ADCY8: variants seen among roughly 807,000 people sequenced by gnomAD.
ADCY8 encodes the protein adenylate cyclase 8, also known as adenylate cyclase type 8.
Under a neutral mutation model 119.7 loss-of-function variants are expected in ADCY8, and 51 were observed. That is an observed-to-expected ratio of 0.43 (90% CI 0.34 to 0.54). ADCY8 has a LOEUF of 0.54. ADCY8 is among the 20% of genes least tolerant of loss of function. The pLI, the probability that ADCY8 is intolerant of heterozygous loss-of-function variation, is 0.03. For missense variants in ADCY8, 1,383 were observed against 1,598.8 expected (o/e 0.87, Z 2.30); for synonymous variants, 665 against 651.0 (o/e 1.02, Z -0.33).
At chr8:130,828,800 A>G (rs915283629) in intron 12 of ADCY8, among the ~76,000 whole-genome samples, 5 of 152,140 alleles carry the variant, frequency 3.3e-5, no homozygotes, top group Non-Finnish European at 5.9e-5. Flanking sequence ...CTCCAGTTAG[A>G]ATGGTACTTA....
chr8:130,983,647 A>C (rs1822306256), intron 2 of ADCY8, among the ~76,000 whole-genome samples: 1 of 152,084 alleles, frequency 6.6e-6, no homozygotes, highest in African/African-American at 2.4e-5. Context: ...TGCAGGGTAA[A>C]TGAAATTGGG....
intron 13 of ADCY8, among the ~76,000 whole-genome samples, chr8:130,815,448 TG>T (rs1447256143): frequency 6.6e-6 from 1 of 152,234 alleles, no homozygotes; most frequent in Non-Finnish European, 1.5e-5. Flanking sequence ...ATACCAGGAA[TG>T]TTTTTAAACA....
intron 12 of ADCY8, among the ~76,000 whole-genome samples, chr8:130,834,719 G>T (rs1357261695): frequency 6.6e-6 from 1 of 152,042 alleles, no homozygotes; most frequent in African/African-American, 2.4e-5. Flanking sequence ...AACCTAGATG[G>T]ATCTAGAAAG....
intron 6 of ADCY8, among the ~76,000 whole-genome samples, chr8:130,908,129 T>A (rs1819851494): frequency 6.6e-6 from 1 of 152,216 alleles, no homozygotes; most frequent in African/African-American, 2.4e-5. Context: ...TTAAACTTGG[T>A]CACTCTTCTG....
In ADCY8 at chr8:130,780,691, T is replaced by G. The variant is rs776784902; in HGVS notation, c.3455A>C (p.Glu1152Ala). 7 of 1,614,022 alleles carry G rather than the reference T, an allele frequency of 4.3e-6. No homozygotes were observed. The highest frequency in any genetic ancestry group is 1.3e-5 in the African/African-American group (1 of 74,914). The change falls in exon 18 of 18, where the codon GAG becomes GCG. Residue 1152 changes from glutamate to alanine, a missense_variant. By Grantham distance (107) the Glu-to-Ala change is moderately radical (BLOSUM62 -1). Coordinates refer to ENST00000286355, the MANE Select transcript of ADCY8 (RefSeq NM_001115.3). ...TTCACTGATACCCTTCACATAGATC[T>G]CCCCTCGGTAATCAAAGGCAAAGCC... ...DQGFAFDYRG[E>A]IYVKGISEQE...
In ADCY8 at chr8:130,917,763, TTGTGTG is replaced by T. The variant is rs146136196; in HGVS notation, c.1482-7903_1482-7898del. 4.7e-5 allele frequency among the ~76,000 whole-genome samples: 7 copies of T among 147,432 alleles called. 1 individual carries two copies. The South Asian group carries it at 1.3e-3, about 28-fold the overall frequency. On this transcript the variant is annotated intron_variant, in intron 5 of 17. Transcript: ENST00000286355. Reference sequence around the variant, plus strand: ...CAGGGGTGAGGGAGGCACAGGGAGTTTGTGTGTGTGTGTGTGTGTGTGTGTGTGTTG... The same window carrying T: ...CAGGGGTGAGGGAGGCACAGGGAGTTTGTGTGTGTGTGTGTGTGTGTGTTG...
At chr8:131,017,881 T>C (rs1823532421) in intron 1 of ADCY8, among the ~76,000 whole-genome samples, 1 of 152,022 alleles carries the variant, frequency 6.6e-6, no homozygotes, top group Non-Finnish European at 1.5e-5. Flanking sequence ...TGCTCAGCTC[T>C]TGGAAGTTAA....
At chr8:130,785,803 T>C (rs964960770) in intron 15 of ADCY8, among the ~76,000 whole-genome samples, 4 of 152,222 alleles carry the variant, frequency 2.6e-5, no homozygotes, top group African/African-American at 9.6e-5. Context: ...CAGTCTTCAC[T>C]GTGACTTGCA....
intron 13 of ADCY8, among the ~76,000 whole-genome samples, chr8:130,817,298 T>G (rs263272): frequency 0.17 from 25,555 of 152,194 alleles, 2,727 homozygotes; most frequent in South Asian, 0.32. Flanking sequence ...TATCACACTG[T>G]GAACTCATGA....
chr8:130,937,082 T>C lies in ADCY8; in HGVS notation c.1472A>G (p.Lys491Arg). 6.2e-7 allele frequency: 1 copy of C among 1,611,552 alleles called. No homozygotes were observed. Among genetic ancestry groups the C allele is most frequent in the Non-Finnish European group, 8.5e-7 (1 of 1,178,644 alleles). ...CCVEMGLSMI[K>R]TIRYVRSRTK... ...GGGGATCACAAATTACCTGATGGTT[T>C]TGATCATGCTGAGACCCATTTCAAC... Residue 491 changes from lysine (K) to arginine (R), a missense_variant, in exon 5 of 18, where the codon AAA (lysine) becomes AGA (arginine). This residue lies in a region of ADCY8 where 928 missense variants were observed against 1,163.5 expected (regional missense o/e 0.80). Transcript: ENST00000286355.
intron 5 of ADCY8, among the ~76,000 whole-genome samples, chr8:130,934,696 C>T (rs1044055093): frequency 6.6e-6 from 1 of 152,194 alleles, no homozygotes; most frequent in Non-Finnish European, 1.5e-5. Flanking sequence ...AAAACCCAAA[C>T]AAAAGGGAAC....
chr8:130,885,758 A>T (rs569335197), intron 7 of ADCY8, among the ~76,000 whole-genome samples: 2 of 152,272 alleles, frequency 1.3e-5, no homozygotes, highest in Admixed American at 1.3e-4. Flanking sequence ...AAAGTAGAGG[A>T]TGCCACGCAT....
At chr8:130,987,924 A>G (rs1027688646) in intron 2 of ADCY8, among the ~76,000 whole-genome samples, 1 of 152,224 alleles carries the variant, frequency 6.6e-6, no homozygotes, top group African/African-American at 2.4e-5. Context: ...GGACTGAACT[A>G]TGTTGACTGA....
At chr8:130,914,605 C>A in intron 5 of ADCY8, among the ~76,000 whole-genome samples, 1 of 152,144 alleles carries the variant, frequency 6.6e-6, no homozygotes. Flanking sequence ...TTGCAAAGAA[C>A]CACAAACACA....
chr8:130,900,488 T>G (rs1189326804), intron 7 of ADCY8, among the ~76,000 whole-genome samples: 3 of 152,190 alleles, frequency 2.0e-5, no homozygotes, highest in African/African-American at 7.2e-5. Context: ...CAGATCTGCC[T>G]CTTGCCAATG....
intron 3 of ADCY8, among the ~76,000 whole-genome samples, chr8:130,946,596 T>G (rs1821112548): frequency 6.6e-6 from 1 of 152,134 alleles, no homozygotes; most frequent in Non-Finnish European, 1.5e-5. Context: ...TCATAACACT[T>G]AACTCTCAAT....
In ADCY8 at chr8:130,787,735, C is replaced by T. The variant is rs1815298019; in HGVS notation, c.3061-2260G>A. Among the ~76,000 whole-genome samples, 3 of 151,416 alleles carry T rather than the reference C, an allele frequency of 2.0e-5. No homozygotes were observed. The South Asian group carries it at 6.2e-4, about 31-fold the overall frequency. On this transcript the variant is annotated intron_variant, in intron 15 of 17. Coordinates refer to ENST00000286355, the MANE Select transcript of ADCY8 (RefSeq NM_001115.3). ...GTGTGAGTATGCATTTGCATGTGTG[C>T]ATGTGTGTGTTGTTTTCATGCCTGT...
At chr8:131,032,791 C>A (rs980966910) in intron 1 of ADCY8, among the ~76,000 whole-genome samples, 3 of 152,300 alleles carry the variant, frequency 2.0e-5, no homozygotes, top group Admixed American at 6.5e-5. Flanking sequence ...AATCCAATTA[C>A]ATTTCCTGGG....
At chr8:130,928,648 A>G (rs1354860938) in intron 5 of ADCY8, among the ~76,000 whole-genome samples, 1 of 152,152 alleles carries the variant, frequency 6.6e-6, no homozygotes, top group East Asian at 1.9e-4. Context: ...TGATCCCTTT[A>G]ATGTGCTGTT....
Sources: allele counts gnomAD v4.1 joint callset (sites outside exome capture counted in the v4.1 genomes callset), GRCh38; gene constraint gnomAD v4.1.1; regional missense constraint gnomAD v4.1.1; transcripts MANE v1.5; gene names NCBI Gene and HGNC (gene_info 2026-07-23, HGNC 2026-07-21).